The following THSD7B variants were observed in gnomAD, a reference collection of about 807,000 sequenced individuals.
THSD7B encodes the protein thrombospondin type 1 domain containing 7B.
A neutral mutation model predicts 213.6 loss-of-function variants in THSD7B; 138 were observed. That is an observed-to-expected ratio of 0.65 (90% CI 0.56 to 0.74). THSD7B has a LOEUF of 0.74. Among genes scored for constraint, THSD7B ranks in the 30% least tolerant of loss-of-function variants. THSD7B has a pLI of 0.00. For missense variants in THSD7B, 1,931 were observed against 1,991.5 expected, an observed-to-expected ratio of 0.97 and a Z score of 0.58; for synonymous variants, 742 against 687.0, an observed-to-expected ratio of 1.08 and a Z score of -1.25.
intron 5 of THSD7B, among the ~76,000 whole-genome samples, chr2:137,131,259 A>T (rs1385366673): frequency 4.6e-5 from 7 of 150,550 alleles, no homozygotes; most frequent in African/African-American, 1.7e-4. Context: ...GTTTGAGTTC[A>T]TTGTAGATTC....
chr2:137,281,964 T>C (rs1410068464), intron 12 of THSD7B, among the ~76,000 whole-genome samples: 4 of 152,142 alleles, frequency 2.6e-5, no homozygotes, highest in Non-Finnish European at 2.9e-5. Flanking sequence ...TTCTAGATCC[T>C]TGAGGAATCA....
intron 12 of THSD7B, among the ~76,000 whole-genome samples, chr2:137,396,843 T>G (rs1173900304): frequency 2.0e-5 from 3 of 151,818 alleles, no homozygotes; most frequent in African/African-American, 7.3e-5. Context: ...TGAATCTGGG[T>G]GCTCCTGTAT....
intron 20 of THSD7B, among the ~76,000 whole-genome samples, chr2:137,638,625 A>G (rs1682879197): frequency 6.6e-6 from 1 of 152,216 alleles, no homozygotes; most frequent in Admixed American, 6.5e-5. Context: ...GGCTCAGAAG[A>G]AGACAAGAAA....
At chr2:137,666,985 G>A (rs1240054373) in intron 26 of THSD7B, among the ~76,000 whole-genome samples, 1 of 152,030 alleles carries the variant, frequency 6.6e-6, no homozygotes, top group Non-Finnish European at 1.5e-5. Context: ...AACTTGTTTG[G>A]TCATGTGGTT....
intron 7 of THSD7B, among the ~76,000 whole-genome samples, chr2:137,195,753 G>A (rs570868201): frequency 6.6e-6 from 1 of 152,100 alleles, no homozygotes; most frequent in South Asian, 2.1e-4. Context: ...TAAAAAATCA[G>A]TATTCGTAAC....
At chr2:137,295,154 C>T (rs549795706) in intron 12 of THSD7B, among the ~76,000 whole-genome samples, 1 of 152,166 alleles carries the variant, frequency 6.6e-6, no homozygotes, top group East Asian at 1.9e-4. Flanking sequence ...CATTTTCTCA[C>T]TGGAGTTATT....
At chr2:137,506,771 C>T (rs921245) in intron 15 of THSD7B, among the ~76,000 whole-genome samples, 140,922 of 152,286 alleles carry the variant, frequency 0.93, 65,848 homozygotes, top group East Asian at 1. Context: ...TGTAAGCTCT[C>T]GTAGCCTGGG....
intron 2 of THSD7B, among the ~76,000 whole-genome samples, chr2:137,002,864 T>C (rs1686027376): frequency 6.6e-6 from 1 of 152,208 alleles, no homozygotes; most frequent in South Asian, 2.1e-4. Context: ...TTTCTTATAC[T>C]TCTTATACCA....
rs1044970518 is a variant in THSD7B, at chr2:136,862,313, A to T, written c.-35-19831A>T. On this transcript the variant is annotated intron_variant, in intron 1 of 27. Transcript: ENST00000409968. Reference sequence around the variant, plus strand: ...CTCCAGGCCCTGAGAGTTGCTGCTCATAACAGCATCAGCTCTATGTCCAGG... The same window carrying T: ...CTCCAGGCCCTGAGAGTTGCTGCTCTTAACAGCATCAGCTCTATGTCCAGG... 2.0e-4 allele frequency among the ~76,000 whole-genome samples: 30 copies of T among 152,142 alleles called. 1 individual carries two copies. Among genetic ancestry groups the T allele is most frequent in the Admixed American group, 2.0e-3 (30 of 15,276 alleles).
chr2:137,487,374 CAAAAAAAAA>C (rs35759254), intron 15 of THSD7B, among the ~76,000 whole-genome samples: 7 of 33,168 alleles, frequency 2.1e-4, no homozygotes, highest in African/African-American at 1.0e-3. Context: ...GACTCCGTCT[CAAAAAAAAA>C]AAAAAAAAAA....
chr2:137,184,987 T>C (rs1573873351), intron 7 of THSD7B, among the ~76,000 whole-genome samples: 1 of 152,138 alleles, frequency 6.6e-6, no homozygotes, highest in East Asian at 1.9e-4. Context: ...TTTTAGCTTT[T>C]TGTTTTGTTT....
intron 15 of THSD7B, among the ~76,000 whole-genome samples, chr2:137,470,046 C>T (rs1202247327): frequency 6.6e-6 from 1 of 152,120 alleles, no homozygotes; most frequent in Non-Finnish European, 1.5e-5. Context: ...TACTTTATAG[C>T]CCATCTAGAA....
At chr2:137,365,048 G>A (rs913643292) in intron 12 of THSD7B, among the ~76,000 whole-genome samples, 3 of 152,096 alleles carry the variant, frequency 2.0e-5, no homozygotes, top group Non-Finnish European at 4.4e-5. Context: ...CAGAGATATA[G>A]ACCAGTGGAA....
chr2:137,384,836 T>G (rs1202932212), intron 12 of THSD7B, among the ~76,000 whole-genome samples: 2 of 152,082 alleles, frequency 1.3e-5, no homozygotes, highest in African/African-American at 4.8e-5. Flanking sequence ...GCTGGCAGGC[T>G]TAGCAGAAGA....
chr2:137,586,858 ATT>A (rs951381231), intron 17 of THSD7B, among the ~76,000 whole-genome samples: 11 of 152,084 alleles, frequency 7.2e-5, no homozygotes, highest in African/African-American at 2.7e-4. Flanking sequence ...CGTTCTCTGT[ATT>A]TCCTGAATTT....
intron 12 of THSD7B, among the ~76,000 whole-genome samples, chr2:137,396,687 G>T (rs984249540): frequency 7.1e-6 from 1 of 140,000 alleles, no homozygotes; most frequent in Non-Finnish European, 1.6e-5. Flanking sequence ...GGTCCGCTTG[G>T]TGCAGAGCTG....
At chr2:136,991,975 A>T (rs757587886) in intron 2 of THSD7B, among the ~76,000 whole-genome samples, 1 of 152,178 alleles carries the variant, frequency 6.6e-6, no homozygotes, top group African/African-American at 2.4e-5. Flanking sequence ...TAGTCACTTT[A>T]CCGTAATAAA....
chr2:137,477,798 C>T (rs1425643976), intron 15 of THSD7B, among the ~76,000 whole-genome samples: 3 of 151,920 alleles, frequency 2.0e-5, no homozygotes, highest in Non-Finnish European at 4.4e-5. Context: ...CTCAGTTTTG[C>T]TTGTCTAGGA....
intron 2 of THSD7B, among the ~76,000 whole-genome samples, chr2:136,951,230 G>A (rs1253396862): frequency 6.6e-6 from 1 of 152,032 alleles, no homozygotes; most frequent in Non-Finnish European, 1.5e-5. Flanking sequence ...GCTTTATTGA[G>A]CAATTTAAGG....
Sources: gnomAD v4.1 joint callset for allele counts (sites outside exome capture counted in the v4.1 genomes callset) on GRCh38, gnomAD v4.1.1 for gene constraint, MANE v1.5 for transcripts, NCBI Gene and HGNC (gene_info 2026-07-23, HGNC 2026-07-21) for gene names.